PDZD2: variants seen among roughly 807,000 people sequenced by gnomAD.
PDZD2 encodes the protein PDZ domain containing 2, also known as PDZ domain-containing protein 2.
PDZD2 carries 90 observed loss-of-function variants against 220.7 expected under a neutral mutation model. That is an observed-to-expected ratio of 0.41 (90% CI 0.34 to 0.49). The LOEUF (loss-of-function observed/expected upper bound fraction) is 0.49, where lower values mean the gene tolerates loss of function less well. Among genes scored for constraint, PDZD2 ranks in the 20% least tolerant of loss-of-function variants. The pLI is 0.28. For missense variants in PDZD2, 3,174 were observed against 3,608.5 expected (o/e 0.88, Z 3.08); for synonymous variants, 1,375 against 1,450.5 (o/e 0.95, Z 1.18).
At position 31,950,810 on chromosome 5, in the gene PDZD2, C is replaced by A. The variant is rs566641933; in HGVS notation, c.477-32345C>A. On this transcript the variant is annotated intron_variant, in intron 2 of 24. Transcript: ENST00000438447. ...CTCTGGCAACCATGATATATACTCT[C>A]TTCCTATTTTGCCTTTTTCAGGATG... 2.6e-5 allele frequency among the ~76,000 whole-genome samples: 4 copies of A among 152,300 alleles called. No individual in the cohort carries two copies. The East Asian group carries it at 5.8e-4, about 22-fold the overall frequency.
intron 2 of PDZD2, among the ~76,000 whole-genome samples, chr5:31,922,964 A>G (rs915549989): frequency 7.2e-6 from 1 of 138,820 alleles, no homozygotes; most frequent in Non-Finnish European, 1.5e-5. Context: ...ATAGCCCCTG[A>G]GCCACCACGC....
intron 2 of PDZD2, among the ~76,000 whole-genome samples, chr5:31,940,745 A>C (rs72759604): frequency 0.059 from 9,002 of 152,290 alleles, 390 homozygotes; most frequent in South Asian, 0.17. Flanking sequence ...GAATCTGAGG[A>C]AGGCACGAAG....
At chr5:31,792,857 G>C (rs1450825851) in intron 1 of PDZD2, among the ~76,000 whole-genome samples, 1 of 150,622 alleles carries the variant, frequency 6.6e-6, no homozygotes, top group Non-Finnish European at 1.5e-5. Context: ...TTATATTTGA[G>C]ACAGACTCTC....
intron 2 of PDZD2, among the ~76,000 whole-genome samples, chr5:31,830,340 T>TTTA (rs1756499262): frequency 6.8e-6 from 1 of 147,166 alleles, no homozygotes; most frequent in Non-Finnish European, 1.5e-5. Flanking sequence ...TAATTTTTTT[T>TTTA]TTTTTTTTTG....
intron 1 of PDZD2, among the ~76,000 whole-genome samples, chr5:31,692,643 C>CG (rs1328649702): frequency 5.3e-5 from 8 of 152,332 alleles, no homozygotes; most frequent in Middle Eastern, 3.4e-3. Flanking sequence ...GACCAGCTCA[C>CG]GGCAGCCAGG....
intron 1 of PDZD2, among the ~76,000 whole-genome samples, chr5:31,641,590 A>C (rs1744950975): frequency 6.6e-6 from 1 of 151,928 alleles, no homozygotes; most frequent in Admixed American, 6.6e-5. Flanking sequence ...CCCAGACTCA[A>C]GCAATCCTCC....
intron 2 of PDZD2, among the ~76,000 whole-genome samples, chr5:31,929,493 G>T (rs1193787856): frequency 1.3e-5 from 2 of 152,246 alleles, no homozygotes; most frequent in Non-Finnish European, 2.9e-5. Flanking sequence ...AATGTCTCCT[G>T]TGGGGCAATA....
At chr5:31,661,075 A>C (rs993986283) in intron 1 of PDZD2, among the ~76,000 whole-genome samples, 1 of 152,256 alleles carries the variant, frequency 6.6e-6, no homozygotes, top group Admixed American at 6.5e-5. Context: ...TTTTCTTCAT[A>C]AGCCACCACC....
At chr5:31,665,804 T>TA (rs1184556025) in intron 1 of PDZD2, among the ~76,000 whole-genome samples, 1 of 152,140 alleles carries the variant, frequency 6.6e-6, no homozygotes, top group African/African-American at 2.4e-5. Context: ...TAGTTCTTTG[T>TA]ATCAGTGTGA....
At chr5:32,001,778 AG>A (rs2112005798) in intron 5 of PDZD2, among the ~76,000 whole-genome samples, 1 of 152,284 alleles carries the variant, frequency 6.6e-6, no homozygotes, top group South Asian at 2.1e-4. Flanking sequence ...TGATGAGACT[AG>A]GGCAGCGTCT....
chr5:31,891,076 C>T (rs899220058), intron 2 of PDZD2, among the ~76,000 whole-genome samples: 3 of 151,608 alleles, frequency 2.0e-5, no homozygotes, highest in African/African-American at 4.8e-5. Flanking sequence ...TTCTCATTCT[C>T]GCTGCTTCCT....
chr5:32,002,603 C>CACACCACACACACACCAA (rs56391318), intron 5 of PDZD2, among the ~76,000 whole-genome samples: 1 of 131,718 alleles, frequency 7.6e-6, no homozygotes, highest in Non-Finnish European at 1.7e-5. Context: ...CACACACACA[C>CACACCACACACACACCAA]CACACACACA....
At chr5:32,010,273 G>T in intron 5 of PDZD2, 57 bp from the exon 6 acceptor site, 1 of 1,380,662 alleles carries the variant, frequency 7.2e-7, no homozygotes, top group South Asian at 1.3e-5. Flanking sequence ...TTGCCTTCAA[G>T]AACTGCTTGG....
Position 32,069,607 on chromosome 5 carries a change from C to T in PDZD2, c.2490C>T (p.Ser830=), listed in dbSNP as rs201497424. ...EQEMDEVIAR[S]TYQESKEANS... is the part of the protein sequence containing the mutation. ...AAATGGATGAAGTCATAGCACGCAGCACTTATCAGGAGAGCAAAGAGGCCA... is the reference window on the plus strand; with the variant it reads ...AAATGGATGAAGTCATAGCACGCAGTACTTATCAGGAGAGCAAAGAGGCCA... Residue 830 remains serine (S), a synonymous_variant, in exon 15 of 25, where the codon AGC becomes AGT. Coordinates refer to ENST00000438447, the MANE Select transcript of PDZD2 (RefSeq NM_178140.4). 1.5e-4 allele frequency: 248 copies of T among 1,600,214 alleles called. No homozygotes were observed. The highest frequency in any genetic ancestry group is 2.0e-4 in the Non-Finnish European group (238 of 1,167,262).
chr5:31,940,647 T>A (rs1746136936), intron 2 of PDZD2, among the ~76,000 whole-genome samples: 1 of 152,220 alleles, frequency 6.6e-6, no homozygotes, highest in Admixed American at 6.5e-5. Context: ...TAAAGCCACA[T>A]ACACCCAGAC....
At chr5:32,063,379 T>C (rs555276591) in intron 14 of PDZD2, among the ~76,000 whole-genome samples, 3 of 152,240 alleles carry the variant, frequency 2.0e-5, no homozygotes, top group African/African-American at 7.2e-5. Flanking sequence ...CAAGTTTTAC[T>C]TGGAAGGAAA....
At chr5:31,692,063 G>A (rs1407038870) in intron 1 of PDZD2, among the ~76,000 whole-genome samples, 1 of 152,250 alleles carries the variant, frequency 6.6e-6, no homozygotes, top group Non-Finnish European at 1.5e-5. Context: ...TGGAGCACGG[G>A]GTGGCGCTCA....
In PDZD2 at chr5:32,069,127, G is replaced by A. The variant is rs185865663; in HGVS notation, c.2452-442G>A. ...CTAAAAATACAAAAATTAGCCAGGC[G>A]TGGTGGTGCGCGCCTATAGTCCCAG... On this transcript the variant is annotated intron_variant, in intron 14 of 24. Transcript: ENST00000438447. Among the ~76,000 whole-genome samples, 18 of 152,028 alleles carry A rather than the reference G, an allele frequency of 1.2e-4. No homozygotes were observed. In the East Asian group the frequency reaches 2.7e-3, roughly 23 times the overall value.
At chr5:31,784,034 A>G (rs527724421) in intron 1 of PDZD2, among the ~76,000 whole-genome samples, 2 of 152,296 alleles carry the variant, frequency 1.3e-5, no homozygotes, top group East Asian at 3.9e-4. Context: ...GCTCTGGGAA[A>G]TGCAGGAGCT....
Sources: gnomAD v4.1 joint callset for allele counts (sites outside exome capture counted in the v4.1 genomes callset) on GRCh38, gnomAD v4.1.1 for gene constraint, MANE v1.5 for transcripts, NCBI Gene and HGNC (gene_info 2026-07-23, HGNC 2026-07-21) for gene names.